MTMR8: variants seen among roughly 807,000 people sequenced by gnomAD.
The protein encoded by MTMR8 is myotubularin related protein 8.
In MTMR8, 65 loss-of-function variants were observed where a neutral mutation model predicts 39.3. The observed-to-expected ratio is 1.65, with a 90% CI of 1.35 to 2.03. The LOEUF is 2.03. MTMR8 is among the 30% of genes most tolerant of loss of function. The pLI is 0.00. For missense variants in MTMR8, 777 were observed against 538.9 expected (o/e 1.44, Z -4.37); for synonymous variants, 245 against 185.2 (o/e 1.32, Z -2.62).
intron 1 of MTMR8, among the ~76,000 whole-genome samples, chrX:64,384,515 C>G (rs1924510842): frequency 8.9e-6 from 1 of 112,134 alleles, no homozygotes; most frequent in South Asian, 3.7e-4. Context: ...GGTACCCAGG[C>G]ATTTTCATAC....
Position 64,268,972 on chromosome X carries a change from C to T in MTMR8, c.1680G>A (p.Gln560=). 8.3e-7 allele frequency: 1 copy of T among 1,211,646 alleles called. No homozygotes were observed. Among genetic ancestry groups the T allele is most frequent in the Non-Finnish European group, 1.1e-6 (1 of 895,361 alleles). The change falls in exon 14 of 14, where the codon CAG becomes CAA. Residue 560 remains glutamine, a synonymous_variant. Transcript: ENST00000374852. ...TCSQLGNILS[Q]HLGSPLTNPL... ...GATTGGTCAAAGGACTTCCCAGATG[C>T]TGGGATAATATGTTTCCTAATTGAG... is the stretch of plus-strand genomic sequence containing the variant.
At position 64,350,947 on chromosome X, in the gene MTMR8, A is replaced by G. The variant is rs757412869; in HGVS notation, c.469-877T>C. 6.3e-5 allele frequency among the ~76,000 whole-genome samples: 7 copies of G among 111,773 alleles called. No individual in the cohort carries two copies. The South Asian group carries it at 2.6e-3, about 42-fold the overall frequency. On this transcript the variant is annotated intron_variant, in intron 4 of 13. Transcript: ENST00000374852. ...AACAGATGAAACAAATATAAACTGA[A>G]CAGGCAAAAATAAAAAAAGTTAAAG... is the stretch of plus-strand genomic sequence containing the variant.
At chrX:64,363,524 A>C (rs1190324549) in intron 1 of MTMR8, among the ~76,000 whole-genome samples, 1 of 112,215 alleles carries the variant, frequency 8.9e-6, no homozygotes, top group Non-Finnish European at 1.9e-5. Flanking sequence ...TCTGAGGCCT[A>C]CCCAGAGGCA....
At position 64,381,766 on chromosome X, in the gene MTMR8, G is replaced by C. The variant is rs1181338215; in HGVS notation, c.24+13574C>G. Among the ~76,000 whole-genome samples, 4 of 111,266 alleles carry C rather than the reference G, an allele frequency of 3.6e-5. No homozygotes were observed. The East Asian group carries it at 1.1e-3, about 31-fold the overall frequency. On this transcript the variant is annotated intron_variant, in intron 1 of 13. Transcript: ENST00000374852. ...AACATTTAAGTCTTTAATCCATCTTGAATTAATTTTTGTATAAGGTGTAAG... is the reference window on the plus strand; with the variant it reads ...AACATTTAAGTCTTTAATCCATCTTCAATTAATTTTTGTATAAGGTGTAAG...
chrX:64,337,929 A>G (rs1257992508), intron 8 of MTMR8, among the ~76,000 whole-genome samples: 1 of 111,996 alleles, frequency 8.9e-6, no homozygotes, highest in Admixed American at 9.5e-5. Flanking sequence ...AATTTTGGCA[A>G]TGGTACATAT....
At chrX:64,378,520 C>T (rs1439293630) in intron 1 of MTMR8, among the ~76,000 whole-genome samples, 9 of 112,227 alleles carry the variant, frequency 8.0e-5, no homozygotes, top group African/African-American at 2.9e-4. Context: ...TGTGACCAGC[C>T]TGACACTTGA....
chrX:64,340,246 A>G (rs1280943153), intron 8 of MTMR8, among the ~76,000 whole-genome samples: 1 of 111,821 alleles, frequency 8.9e-6, no homozygotes, highest in African/African-American at 3.3e-5. Flanking sequence ...GAGATAGAAG[A>G]ACTATGCTAG....
At chrX:64,370,697 CTA>C (rs1924107148) in intron 1 of MTMR8, among the ~76,000 whole-genome samples, 2 of 111,972 alleles carry the variant, frequency 1.8e-5, no homozygotes, top group Non-Finnish European at 3.8e-5. Flanking sequence ...GAGCAATAGG[CTA>C]TATACCACAT....
At chrX:64,302,252 G>A (rs1469966197) in intron 12 of MTMR8, among the ~76,000 whole-genome samples, 7 of 112,602 alleles carry the variant, frequency 6.2e-5, no homozygotes, top group Non-Finnish European at 1.3e-4. Flanking sequence ...AGCCAGGTGT[G>A]GGATATAGTC....
At chrX:64,373,703 C>T (rs1924186716) in intron 1 of MTMR8, among the ~76,000 whole-genome samples, 2 of 111,224 alleles carry the variant, frequency 1.8e-5, no homozygotes, top group South Asian at 7.7e-4. Flanking sequence ...ATGGCCCACC[C>T]TCTAAAAGAG....
chrX:64,364,321 A>G (rs773326168), intron 1 of MTMR8, among the ~76,000 whole-genome samples: 2 of 112,305 alleles, frequency 1.8e-5, no homozygotes, highest in Non-Finnish European at 3.8e-5. Flanking sequence ...CCTAACTGGG[A>G]GACACCTCCC....
intron 4 of MTMR8, among the ~76,000 whole-genome samples, chrX:64,354,215 C>A (rs1923561581): frequency 9.8e-6 from 1 of 102,563 alleles, no homozygotes; most frequent in Admixed American, 1.1e-4. Flanking sequence ...TCAACGGGTA[C>A]AAAAATACAG....
intron 12 of MTMR8, among the ~76,000 whole-genome samples, chrX:64,286,175 C>T (rs1391719741): frequency 7.1e-5 from 8 of 111,949 alleles, no homozygotes; most frequent in African/African-American, 2.6e-4. Context: ...ATATAAACTA[C>T]CATCAGAGAA....
intron 10 of MTMR8, among the ~76,000 whole-genome samples, chrX:64,333,447 G>A (rs1179720583): frequency 1.8e-5 from 2 of 111,711 alleles, no homozygotes; most frequent in African/African-American, 6.5e-5. Context: ...CCATGGAAAA[G>A]GTGTTCTTCA....
intron 12 of MTMR8, among the ~76,000 whole-genome samples, chrX:64,284,224 A>G: frequency 8.9e-6 from 1 of 112,211 alleles, no homozygotes; most frequent in South Asian, 3.7e-4. Flanking sequence ...AAGGGTATCA[A>G]TGATTGAAGA....
intron 12 of MTMR8, among the ~76,000 whole-genome samples, chrX:64,325,720 T>TTA (rs1922771390): frequency 8.9e-6 from 1 of 112,282 alleles, no homozygotes; most frequent in Non-Finnish European, 1.9e-5. Flanking sequence ...TTCCTTAAGA[T>TTA]AGGGAACAAG....
At chrX:64,356,458 C>A in intron 2 of MTMR8, 120 bp from the exon 3 acceptor site, 1 of 594,035 alleles carries the variant, frequency 1.7e-6, no homozygotes, top group East Asian at 3.7e-5. Flanking sequence ...ACATCTACAG[C>A]CTACAACCAT....
intron 1 of MTMR8, among the ~76,000 whole-genome samples, chrX:64,368,186 G>A (rs1404071586): frequency 9.0e-6 from 1 of 110,642 alleles, no homozygotes; most frequent in East Asian, 3.0e-4. Flanking sequence ...ACTGCCCAAG[G>A]TAATTTATAC....
chrX:64,268,519 G>A lies in MTMR8; in HGVS notation c.*18C>T, dbSNP rs777198003. The A allele has an allele frequency of 1.1e-5, 13 of 1,187,008 alleles. No individual in the cohort carries two copies. The highest frequency in any genetic ancestry group is 4.8e-4 in the Middle Eastern group (2 of 4,189). On this transcript the variant is annotated 3_prime_UTR_variant, in exon 14 of 14. Coordinates refer to ENST00000374852, the MANE Select transcript of MTMR8 (RefSeq NM_017677.4). ...TAGCTGCTGTAGGTATACCTAGCATGGAAGATGAGTAACTAACTCACTGAT... is the reference window on the plus strand; with the variant it reads ...TAGCTGCTGTAGGTATACCTAGCATAGAAGATGAGTAACTAACTCACTGAT...
Sources: gnomAD v4.1 joint callset for allele counts (sites outside exome capture counted in the v4.1 genomes callset) on GRCh38, gnomAD v4.1.1 for gene constraint, MANE v1.5 for transcripts, NCBI Gene and HGNC (gene_info 2026-07-23, HGNC 2026-07-21) for gene names.